Variants in VWA8 observed in about 807,000 individuals in gnomAD.
The protein encoded by VWA8 is von Willebrand factor A domain containing 8, also known as von Willebrand factor A domain-containing protein 8.
A neutral mutation model predicts 241.5 loss-of-function variants in VWA8; 221 were observed. The observed-to-expected ratio is 0.91, with a 90% CI of 0.82 to 1.02. The LOEUF (loss-of-function observed/expected upper bound fraction) is 1.02, where lower values mean the gene tolerates loss of function less well. VWA8 is among the 50% of genes least tolerant of loss of function. The pLI, the probability that VWA8 is intolerant of heterozygous loss-of-function variation, is 0.00. For missense variants in VWA8, 2,322 were observed against 2,328.7 expected (o/e 1.00, Z 0.06); for synonymous variants, 852 against 827.1 (o/e 1.03, Z -0.52).
intron 37 of VWA8, among the ~76,000 whole-genome samples, chr13:41,628,835 G>T (rs2044709228): frequency 1.3e-5 from 2 of 152,186 alleles, no homozygotes; most frequent in Admixed American, 1.3e-4. Context: ...GAGGTCAAGA[G>T]ATCGAGACCA....
At chr13:41,922,343 C>G (rs1419910519) in intron 2 of VWA8, among the ~76,000 whole-genome samples, 1 of 152,120 alleles carries the variant, frequency 6.6e-6, no homozygotes, top group Non-Finnish European at 1.5e-5. Flanking sequence ...AGAAGAAAAC[C>G]TAGGCAATAC....
chr13:41,905,933 T>A (rs1211985922), intron 4 of VWA8, among the ~76,000 whole-genome samples: 1 of 152,070 alleles, frequency 6.6e-6, no homozygotes, highest in African/African-American at 2.4e-5. Flanking sequence ...CCATTTGTAA[T>A]CAGAAGTAAT....
At chr13:41,605,898 C>A (rs1052174174) in intron 39 of VWA8, among the ~76,000 whole-genome samples, 1 of 152,120 alleles carries the variant, frequency 6.6e-6, no homozygotes, top group African/African-American at 2.4e-5. Context: ...GAAATTCTAT[C>A]TTCCCAGTAT....
intron 37 of VWA8, among the ~76,000 whole-genome samples, chr13:41,652,730 T>C (rs2044877325): frequency 6.6e-6 from 1 of 152,240 alleles, no homozygotes; most frequent in Non-Finnish European, 1.5e-5. Flanking sequence ...GAAATTTCTC[T>C]GTGCTACAAT....
chr13:41,957,914 T>C (rs1047726046), intron 1 of VWA8, among the ~76,000 whole-genome samples: 5 of 152,178 alleles, frequency 3.3e-5, no homozygotes, highest in East Asian at 3.9e-4. Flanking sequence ...ATTTGATCTA[T>C]AGTATATTTG....
chr13:41,804,428 T>A (rs1870092984), intron 17 of VWA8, among the ~76,000 whole-genome samples: 2 of 151,626 alleles, frequency 1.3e-5, no homozygotes, highest in Non-Finnish European at 2.9e-5. Context: ...CCTTCAAACA[T>A]GAAGGAGAAA....
intron 37 of VWA8, among the ~76,000 whole-genome samples, chr13:41,636,033 A>G (rs1315101026): frequency 1.3e-5 from 2 of 152,184 alleles, no homozygotes; most frequent in African/African-American, 4.8e-5. Flanking sequence ...CTTAAATCAA[A>G]GCCGAATAAA....
intron 41 of VWA8, among the ~76,000 whole-genome samples, chr13:41,589,361 A>G (rs956339641): frequency 6.6e-6 from 1 of 152,206 alleles, no homozygotes; most frequent in African/African-American, 2.4e-5. Flanking sequence ...AGAGAACAGT[A>G]GAAAATCACT....
chr13:41,885,488 G>A (rs1328401480), intron 8 of VWA8, among the ~76,000 whole-genome samples: 4 of 152,186 alleles, frequency 2.6e-5, no homozygotes, highest in Non-Finnish European at 4.4e-5. Flanking sequence ...AGCCACCCTT[G>A]CACACATGCT....
At chr13:41,573,022 T>C (rs1593622907) in intron 43 of VWA8, among the ~76,000 whole-genome samples, 1 of 142,444 alleles carries the variant, frequency 7.0e-6, no homozygotes, top group South Asian at 2.2e-4. Flanking sequence ...GACAGGAGAG[T>C]CGCTTGGGTG....
rs140093708 is a variant in VWA8, at chr13:41,749,003, T to A, written c.2426+12125A>T. 1.2e-3 allele frequency among the ~76,000 whole-genome samples: 190 copies of A among 152,168 alleles called. 1 individual carries two copies. Among genetic ancestry groups the A allele is most frequent in the African/African-American group, 4.4e-3 (181 of 41,524 alleles). On this transcript the variant is annotated intron_variant, in intron 21 of 44. Transcript: ENST00000379310. ...CAACTGCAACAAAAGCCAGAATTGA[T>A]AAATGGGATCTAATTAAACTAAAGA...
intron 1 of VWA8, among the ~76,000 whole-genome samples, chr13:41,951,901 T>C (rs1408815538): frequency 1.3e-5 from 2 of 152,168 alleles, no homozygotes; most frequent in Admixed American, 1.3e-4. Flanking sequence ...TACAGGTATG[T>C]GGTAAATTGA....
chr13:41,573,998 G>C (rs1374418123), intron 43 of VWA8, among the ~76,000 whole-genome samples: 1 of 152,122 alleles, frequency 6.6e-6, no homozygotes, highest in Non-Finnish European at 1.5e-5. Context: ...AAAGATAAAT[G>C]CTTGAGGTGA....
chr13:41,695,239 A>G (rs890660620), intron 29 of VWA8, among the ~76,000 whole-genome samples: 5 of 152,160 alleles, frequency 3.3e-5, no homozygotes, highest in African/African-American at 1.2e-4. Context: ...GATGTAATAA[A>G]TAATCTCATG....
intron 2 of VWA8, among the ~76,000 whole-genome samples, chr13:41,935,676 T>A (rs1350670545): frequency 6.6e-6 from 1 of 151,952 alleles, no homozygotes; most frequent in African/African-American, 2.4e-5. Flanking sequence ...AAGTCAAAGT[T>A]AAGAGCCTGC....
At chr13:41,801,785 TA>T (rs1401412467) in intron 17 of VWA8, among the ~76,000 whole-genome samples, 1 of 152,210 alleles carries the variant, frequency 6.6e-6, no homozygotes, top group Non-Finnish European at 1.5e-5. Context: ...GCAATAAGTG[TA>T]ATAGTGCTAA....
At chr13:41,946,282 C>A (rs1171738157) in intron 2 of VWA8, among the ~76,000 whole-genome samples, 1 of 151,832 alleles carries the variant, frequency 6.6e-6, no homozygotes, top group Non-Finnish European at 1.5e-5. Context: ...AAAGGGCATC[C>A]TTCCTTTAAG....
chr13:41,852,048 A>G (rs2138030745), intron 12 of VWA8, among the ~76,000 whole-genome samples: 1 of 152,316 alleles, frequency 6.6e-6, no homozygotes. Flanking sequence ...CTTTCTACCA[A>G]CAACGTACAA....
At chr13:41,661,298 T>C (rs1016382466) in intron 37 of VWA8, among the ~76,000 whole-genome samples, 4 of 152,212 alleles carry the variant, frequency 2.6e-5, no homozygotes, top group Non-Finnish European at 4.4e-5. Flanking sequence ...GATGGAGTTA[T>C]ATAGAGACAA....
Sources: gnomAD v4.1 joint callset for allele counts (sites outside exome capture counted in the v4.1 genomes callset) on GRCh38, gnomAD v4.1.1 for gene constraint, MANE v1.5 for transcripts, NCBI Gene and HGNC (gene_info 2026-07-23, HGNC 2026-07-21) for gene names.